PRUNE2: variants seen among roughly 807,000 people sequenced by gnomAD.
PRUNE2 encodes prune homolog 2 with BCH domain, also known as protein prune homolog 2.
In PRUNE2, 164 loss-of-function variants were observed where a neutral mutation model predicts 252.0. The ratio of observed to expected loss-of-function variants is 0.65; its 90% confidence interval spans 0.57 to 0.74. The LOEUF is 0.74. PRUNE2 is among the 30% of genes least tolerant of loss of function. PRUNE2 has a pLI of 0.00. For missense variants in PRUNE2, 3,495 were observed against 3,711.0 expected (o/e 0.94, Z 1.51); for synonymous variants, 1,292 against 1,350.2 (o/e 0.96, Z 0.94).
intron 6 of PRUNE2, among the ~76,000 whole-genome samples, chr9:76,779,357 C>T (rs1366493800): frequency 6.6e-6 from 1 of 151,924 alleles, no homozygotes; most frequent in Non-Finnish European, 1.5e-5. Flanking sequence ...GGACAAAGAT[C>T]TGTAAATTTA....
chr9:76,812,641 T>C (rs779227773), intron 6 of PRUNE2, among the ~76,000 whole-genome samples: 4 of 152,168 alleles, frequency 2.6e-5, no homozygotes, highest in Admixed American at 6.5e-5. Context: ...ACCACATAAA[T>C]TGTACACTAA....
chr9:76,904,323 G>A (rs986085716), intron 1 of PRUNE2, among the ~76,000 whole-genome samples: 22 of 152,124 alleles, frequency 1.4e-4, no homozygotes, highest in African/African-American at 5.3e-4. Flanking sequence ...CGGAAATAGG[G>A]AAACTTCCAT....
intron 10 of PRUNE2, 145 bp downstream of exon 10, chr9:76,655,278 C>G (rs780446001): frequency 1.2e-4 from 86 of 696,568 alleles, no homozygotes; most frequent in Admixed American, 5.4e-4. Context: ...CAGCCTAACA[C>G]CTTCATATCA....
At chr9:76,617,830 G>A (rs566539875) in intron 18 of PRUNE2, among the ~76,000 whole-genome samples, 4 of 152,336 alleles carry the variant, frequency 2.6e-5, no homozygotes, top group African/African-American at 7.2e-5. Flanking sequence ...ATGTAGCAGC[G>A]ATGGGCCAGC....
chr9:76,703,817 T>G lies in PRUNE2; in HGVS notation c.7796A>C (p.Gln2599Pro). ...TQLASFPDTC[Q>P]PASLNERKGL... ...TTTTCTTTCATTTAAGGAGGCTGGC[T>G]GACATGTGTCTGGGAAGCTTGCTAA... is the stretch of plus-strand genomic sequence containing the variant. The change falls in exon 9 of 19, where the codon CAG becomes CCG. Residue 2599 changes from glutamine to proline, a missense_variant. Transcript: ENST00000376718. The G allele has an allele frequency of 6.2e-7, 1 of 1,614,046 alleles. No individual in the cohort carries two copies. Among genetic ancestry groups the G allele is most frequent in the Non-Finnish European group, 8.5e-7 (1 of 1,179,892 alleles).
chr9:76,706,329 C>G lies in PRUNE2; in HGVS notation c.5945G>C (p.Cys1982Ser). 6.2e-7 allele frequency: 1 copy of G among 1,613,974 alleles called. No homozygotes were observed. Among genetic ancestry groups the G allele is most frequent in the African/African-American group, 1.3e-5 (1 of 75,036 alleles). ...TAFTHAEENS[C>S]VTSNVSTNEG... is the part of the protein sequence containing the mutation. ...ATTAGTTGAAACATTAGATGTAACA[C>G]AACTATTTTCCTCTGCGTGAGTAAA... The change falls in exon 8 of 19, where the codon TGT becomes TCT. Residue 1982 changes from cysteine (C) to serine (S), a missense_variant. Cys to Ser is a moderately radical substitution (Grantham distance 112). Transcript: ENST00000376718.
At chr9:76,627,749 C>A in intron 16 of PRUNE2, 1 of 229,324 alleles carries the variant, frequency 4.4e-6, no homozygotes. Flanking sequence ...GCCAGGCTGA[C>A]CTGAATTTGA....
intron 9 of PRUNE2, among the ~76,000 whole-genome samples, chr9:76,661,370 G>A (rs1040723078): frequency 2.0e-5 from 3 of 152,044 alleles, no homozygotes; most frequent in African/African-American, 7.2e-5. Flanking sequence ...AGCCTCCCAA[G>A]TAGCTAGGAT....
intron 9 of PRUNE2, among the ~76,000 whole-genome samples, chr9:76,673,671 A>T (rs1240312218): frequency 6.7e-6 from 1 of 149,570 alleles, no homozygotes; most frequent in Non-Finnish European, 1.5e-5. Flanking sequence ...TACTGGCAAA[A>T]CGAATCCAGC....
intron 11 of PRUNE2, chr9:76,645,133 A>C: frequency 2.2e-6 from 1 of 457,702 alleles, no homozygotes; most frequent in Admixed American, 3.9e-5. Flanking sequence ...TTCTTTTATT[A>C]ACTGAACAAC....
intron 6 of PRUNE2, among the ~76,000 whole-genome samples, chr9:76,763,329 T>C (rs1236349919): frequency 3.9e-5 from 6 of 152,206 alleles, no homozygotes; most frequent in African/African-American, 1.4e-4. Context: ...AAGGACTTAG[T>C]ACAGTACCTG....
intron 6 of PRUNE2, among the ~76,000 whole-genome samples, chr9:76,722,610 G>C (rs185122449): frequency 2.6e-5 from 4 of 152,046 alleles, no homozygotes; most frequent in Non-Finnish European, 5.9e-5. Context: ...CTTCATTTAC[G>C]TCAATAGTAT....
intron 4 of PRUNE2, among the ~76,000 whole-genome samples, chr9:76,839,609 G>A (rs571210871): frequency 1.4e-4 from 22 of 152,292 alleles, no homozygotes; most frequent in African/African-American, 5.3e-4. Flanking sequence ...AGGATGCTTG[G>A]ATTTTGAGTG....
chr9:76,767,049 C>G (rs528309724), intron 6 of PRUNE2, among the ~76,000 whole-genome samples: 2 of 152,308 alleles, frequency 1.3e-5, no homozygotes, highest in African/African-American at 4.8e-5. Flanking sequence ...CTGCTGTATT[C>G]TGGTATAGCG....
intron 9 of PRUNE2, among the ~76,000 whole-genome samples, chr9:76,688,223 A>G (rs2044308776): frequency 6.6e-6 from 1 of 152,218 alleles, no homozygotes; most frequent in Non-Finnish European, 1.5e-5. Context: ...GGTACACCTC[A>G]GTAGATACAG....
At chr9:76,894,307 G>T (rs963704756) in intron 1 of PRUNE2, among the ~76,000 whole-genome samples, 1 of 152,198 alleles carries the variant, frequency 6.6e-6, no homozygotes, top group African/African-American at 2.4e-5. Flanking sequence ...TGACCAGGAG[G>T]TGTCGCATGA....
chr9:76,691,258 C>T (rs564686558), intron 9 of PRUNE2, among the ~76,000 whole-genome samples: 1 of 152,258 alleles, frequency 6.6e-6, no homozygotes, highest in East Asian at 1.9e-4. Flanking sequence ...AGATTATGCC[C>T]CCTTTCCCTT....
At position 76,865,838 on chromosome 9, in the gene PRUNE2, CA is replaced by C. The variant is rs1439143791; in HGVS notation, c.37-11631del. 4.5e-3 allele frequency among the ~76,000 whole-genome samples: 684 copies of C among 151,726 alleles called. 1 individual carries two copies. The highest frequency in any genetic ancestry group is 0.016 in the African/African-American group (650 of 41,266). On this transcript the variant is annotated intron_variant, in intron 1 of 18. Coordinates refer to ENST00000376718, the MANE Select transcript of PRUNE2 (RefSeq NM_015225.3). ...ACACACACACACACACACACACACA[CA>C]CACACACACCAGAGCATTATGACAT...
intron 1 of PRUNE2, among the ~76,000 whole-genome samples, chr9:76,866,654 T>C (rs748901033): frequency 6.6e-6 from 1 of 151,636 alleles, no homozygotes; most frequent in Non-Finnish European, 1.5e-5. Context: ...TCTGCTGACG[T>C]ATGTTTGAAA....
Sources: gnomAD v4.1 joint callset for allele counts (sites outside exome capture counted in the v4.1 genomes callset) on GRCh38, gnomAD v4.1.1 for gene constraint, MANE v1.5 for transcripts, NCBI Gene and HGNC (gene_info 2026-07-23, HGNC 2026-07-21) for gene names.